SHANK2: variants seen among roughly 807,000 people sequenced by gnomAD.
The protein encoded by SHANK2 is SH3 and multiple ankyrin repeat domains 2.
In SHANK2, 43 loss-of-function variants were observed where a neutral mutation model predicts 133.7. The observed-to-expected ratio is 0.32, with a 90% CI of 0.25 to 0.41. The LOEUF (loss-of-function observed/expected upper bound fraction) is 0.41. SHANK2 is among the 10% of genes least tolerant of loss of function. The pLI, the probability that SHANK2 is intolerant of heterozygous loss-of-function variation, is 1.00. For missense variants in SHANK2, 1,994 were observed against 2,235.8 expected, an observed-to-expected ratio of 0.89 and a Z score of 2.18; for synonymous variants, 1,017 against 952.8, an observed-to-expected ratio of 1.07 and a Z score of -1.24.
intron 17 of SHANK2, among the ~76,000 whole-genome samples, chr11:70,601,069 T>TATATCTATATCTATATCTATATC (rs1565167910): frequency 1.6e-4 from 21 of 134,864 alleles, no homozygotes; most frequent in East Asian, 7.3e-4. Context: ...ATATCTATAT[T>TATATCTATATCTATATCTATATC]TGAGATGGAG....
intron 17 of SHANK2, among the ~76,000 whole-genome samples, chr11:70,545,495 G>T (rs1220958744): frequency 6.6e-6 from 1 of 152,192 alleles, no homozygotes; most frequent in African/African-American, 2.4e-5. Flanking sequence ...AGAGCTGAGG[G>T]TCCTCACCTC....
intron 15 of SHANK2, among the ~76,000 whole-genome samples, chr11:70,686,113 CCCAT>C (rs1182323309): frequency 3.5e-5 from 5 of 144,600 alleles, no homozygotes; most frequent in Admixed American, 6.9e-5. Flanking sequence ...CACCCATCTA[CCCAT>C]CCATCCATCC....
intron 22 of SHANK2, among the ~76,000 whole-genome samples, chr11:70,491,327 G>C (rs895623631): frequency 1.3e-5 from 2 of 152,202 alleles, no homozygotes; most frequent in South Asian, 4.1e-4. Context: ...GGGAGATCAA[G>C]GGCACCTTGT....
intron 14 of SHANK2, among the ~76,000 whole-genome samples, chr11:70,719,315 A>G (rs1946024985): frequency 6.6e-6 from 1 of 152,234 alleles, no homozygotes; most frequent in Admixed American, 6.5e-5. Flanking sequence ...ACAGCCAGGT[A>G]AGGGTGGACT....
intron 17 of SHANK2, among the ~76,000 whole-genome samples, chr11:70,554,019 G>A (rs983849311): frequency 1.3e-5 from 2 of 152,228 alleles, no homozygotes; most frequent in South Asian, 2.1e-4. Flanking sequence ...GCCTGGGGTC[G>A]CTGACCGGAC....
chr11:71,212,300 A>T (rs115469207), intron 2 of SHANK2, among the ~76,000 whole-genome samples: 3,389 of 152,322 alleles, frequency 0.022, 50 homozygotes, highest in African/African-American at 0.034. Context: ...ATTTGGGAAA[A>T]CAGCTAAAAA....
chr11:71,183,221 GT>G (rs1275134541), intron 2 of SHANK2, among the ~76,000 whole-genome samples: 1 of 152,192 alleles, frequency 6.6e-6, no homozygotes, highest in Non-Finnish European at 1.5e-5. Flanking sequence ...GGTAGCAAAT[GT>G]TCTCGTCCAA....
intron 17 of SHANK2, among the ~76,000 whole-genome samples, chr11:70,618,296 G>GAAA (rs33915522): frequency 0.19 from 21,402 of 111,698 alleles, 2,303 homozygotes; most frequent in Non-Finnish European, 0.28. Context: ...CTCGGTCTCA[G>GAAA]AAAAAAAAAA....
intron 17 of SHANK2, among the ~76,000 whole-genome samples, chr11:70,596,472 G>T (rs2060402507): frequency 6.6e-6 from 1 of 152,174 alleles, no homozygotes; most frequent in African/African-American, 2.4e-5. Flanking sequence ...TAGGGTTCTG[G>T]GGTTGGAAGG....
At chr11:71,061,532 T>C (rs932468066) in intron 9 of SHANK2, among the ~76,000 whole-genome samples, 137 of 152,152 alleles carry the variant, frequency 9.0e-4, no homozygotes, top group Non-Finnish European at 1.6e-4. Flanking sequence ...AAAGTGGGGA[T>C]ACCGGGCTTA....
intron 15 of SHANK2, among the ~76,000 whole-genome samples, chr11:70,674,756 C>T (rs1266465974): frequency 6.6e-6 from 1 of 152,244 alleles, no homozygotes; most frequent in Non-Finnish European, 1.5e-5. Flanking sequence ...GTTGCAACTA[C>T]TCACTCTGCT....
chr11:71,225,811 T>C (rs1555122123), intron 1 of SHANK2, among the ~76,000 whole-genome samples: 1 of 151,982 alleles, frequency 6.6e-6, no homozygotes, highest in African/African-American at 2.4e-5. Flanking sequence ...ACCAAAGATA[T>C]AAAAAAGAAT....
In SHANK2 at chr11:70,620,754, A is replaced by G. The variant is rs145738298; in HGVS notation, c.2061+39074T>C. On this transcript the variant is annotated intron_variant, in intron 17 of 25. Transcript: ENST00000601538. ...CAATGGGATTAGTGTCCTTATAAGA[A>G]GAAACTCCAGAGAGCTTGGTGGCAC... 3.1e-4 allele frequency among the ~76,000 whole-genome samples: 47 copies of G among 152,312 alleles called. No individual in the cohort carries two copies. The East Asian group carries it at 8.9e-3, about 29-fold the overall frequency.
At chr11:71,162,527 T>C (rs1313215049) in intron 2 of SHANK2, among the ~76,000 whole-genome samples, 12 of 152,200 alleles carry the variant, frequency 7.9e-5, no homozygotes, top group Admixed American at 7.9e-4. Context: ...AGTAAATGAT[T>C]GTATAGTAAT....
chr11:71,183,486 C>G lies in SHANK2; in HGVS notation c.-12-36148G>C, dbSNP rs542504428. On this transcript the variant is annotated intron_variant, in intron 2 of 25. Transcript: ENST00000601538. The stretch of plus-strand genomic sequence containing the variant: ...GTGAGGAGGTGCTTGCTTTTCAATG[C>G]AAAGCTCTAAGCAAACAGAAAACAG... Among the ~76,000 whole-genome samples the G allele has an allele frequency of 9.7e-4, 147 of 152,290 alleles. 1 individual carries two copies. Among genetic ancestry groups the G allele is most frequent in the African/African-American group, 3.5e-3 (144 of 41,536 alleles).
intron 14 of SHANK2, among the ~76,000 whole-genome samples, chr11:70,765,911 G>T (rs888266197): frequency 6.6e-6 from 1 of 152,156 alleles, no homozygotes; most frequent in East Asian, 1.9e-4. Context: ...ACATCTGTAC[G>T]GGGTGAGCAC....
rs572818960 is a variant in SHANK2 at position 70,606,226 on chromosome 11, T to C, written c.2061+53602A>G. Among the ~76,000 whole-genome samples, 3 of 152,224 alleles carry C rather than the reference T, an allele frequency of 2.0e-5. No homozygotes were observed. The South Asian group carries it at 6.2e-4, about 32-fold the overall frequency. ...CCATTGCCCATCCTTCCCCCACCTT[T>C]TCCACTGAAGAGACTCCTACTCACT... On this transcript the variant is annotated intron_variant, in intron 17 of 25. Transcript: ENST00000601538.
At chr11:70,824,942 C>T (rs1015441069) in intron 11 of SHANK2, among the ~76,000 whole-genome samples, 38 of 152,264 alleles carry the variant, frequency 2.5e-4, no homozygotes, top group Admixed American at 2.3e-3. Context: ...CAAACAGACA[C>T]AGCCAGCAGA....
intron 10 of SHANK2, chr11:70,911,021 G>A (rs1555078899): frequency 8.8e-6 from 4 of 457,020 alleles, no homozygotes; most frequent in African/African-American, 2.0e-5. Flanking sequence ...AGAAACGAAG[G>A]GGGTGCTCCT....
Sources: allele counts gnomAD v4.1 joint callset (sites outside exome capture counted in the v4.1 genomes callset), GRCh38; gene constraint gnomAD v4.1.1; transcripts MANE v1.5; gene names NCBI Gene and HGNC (gene_info 2026-07-23, HGNC 2026-07-21).